ATOH8: variants seen among roughly 807,000 people sequenced by gnomAD.
The protein encoded by ATOH8 is atonal bHLH transcription factor 8, also known as transcription factor ATOH8.
Under a neutral mutation model 21.2 loss-of-function variants are expected in ATOH8, and 9 were observed. That is an observed-to-expected ratio of 0.42 (90% CI 0.26 to 0.74). The LOEUF is 0.74. Among genes scored for constraint, ATOH8 ranks in the 30% least tolerant of loss-of-function variants. The pLI, the probability that ATOH8 is intolerant of heterozygous loss-of-function variation, is 0.24. For missense variants in ATOH8, 524 were observed against 470.9 expected (o/e 1.11, Z -1.04); for synonymous variants, 253 against 224.0 (o/e 1.13, Z -1.16).
At chr2:85,769,480 C>T (rs1257136665) in intron 2 of ATOH8, among the ~76,000 whole-genome samples, 1 of 152,174 alleles carries the variant, frequency 6.6e-6, no homozygotes. Flanking sequence ...TAATCTGAAG[C>T]CAGAGGTGGC....
At chr2:85,786,376 C>G (rs1680621022) in intron 2 of ATOH8, among the ~76,000 whole-genome samples, 1 of 152,234 alleles carries the variant, frequency 6.6e-6, no homozygotes, top group Non-Finnish European at 1.5e-5. Context: ...ACACTGAGGC[C>G]TAGAGAAGTC....
In ATOH8 at chr2:85,790,111, C is replaced by T. The variant is rs1680730018; in HGVS notation, c.*3221C>T. Among the ~76,000 whole-genome samples, 3 of 152,204 alleles carry T rather than the reference C, an allele frequency of 2.0e-5. No homozygotes were observed. Among genetic ancestry groups the T allele is most frequent in the Admixed American group, 1.3e-4 (2 of 15,282 alleles). Reference sequence around the variant, plus strand: ...CAAAATATAAATGACGAGGAGCTGCCCTCATGGGGCCCTGTGAAAGCACTT... The same window carrying T: ...CAAAATATAAATGACGAGGAGCTGCTCTCATGGGGCCCTGTGAAAGCACTT... On this transcript the variant is annotated 3_prime_UTR_variant, in exon 3 of 3. Coordinates refer to ENST00000306279, the MANE Select transcript of ATOH8 (RefSeq NM_032827.7).
At chr2:85,755,972 CT>C in intron 1 of ATOH8, among the ~76,000 whole-genome samples, 1 of 147,054 alleles carries the variant, frequency 6.8e-6, no homozygotes, top group East Asian at 2.1e-4. Context: ...CTCAACTTCT[CT>C]GGGCTTTATC....
rs575334801 is a variant in ATOH8, at chr2:85,758,759, G to A, written c.768+3802G>A. On this transcript the variant is annotated intron_variant, in intron 1 of 2. Transcript: ENST00000306279. Reference sequence around the variant, plus strand: ...TCAGGCCCCAGCACATGCCACCAGCGCAGCTGCACCAGAGCCCTCCCTGCC... The same window carrying A: ...TCAGGCCCCAGCACATGCCACCAGCACAGCTGCACCAGAGCCCTCCCTGCC... Among the ~76,000 whole-genome samples, 14 of 152,360 alleles carry A rather than the reference G, an allele frequency of 9.2e-5. No individual in the cohort carries two copies. The South Asian group carries it at 2.9e-3, about 32-fold the overall frequency.
At chr2:85,786,861 T>C (rs779321807) in intron 2 of ATOH8, 24 bp from the exon 3 acceptor site, 1 of 1,613,928 alleles carries the variant, frequency 6.2e-7, no homozygotes, top group South Asian at 1.1e-5. Context: ...GGGGCAGCTT[T>C]TAATGGCTGG....
intron 2 of ATOH8, among the ~76,000 whole-genome samples, chr2:85,775,951 G>C (rs1211041462): frequency 6.6e-6 from 1 of 152,128 alleles, no homozygotes; most frequent in Admixed American, 6.5e-5. Context: ...CCACAAATTG[G>C]GTGTCACCAG....
At chr2:85,775,280 C>T (rs1489839696) in intron 2 of ATOH8, 7 of 985,184 alleles carry the variant, frequency 7.1e-6, no homozygotes, top group Non-Finnish European at 8.4e-6. Context: ...TAATGACACA[C>T]CATTCTTTCC....
At chr2:85,780,983 G>A in intron 2 of ATOH8, 1 of 987,938 alleles carries the variant, frequency 1.0e-6, no homozygotes, top group Middle Eastern at 2.8e-4. Context: ...GGAGCTTGGA[G>A]GCCAGAAGCC....
chr2:85,754,613 G>A lies in ATOH8; in HGVS notation c.424G>A (p.Ala142Thr), dbSNP rs1390424617. ...PQSQAPGGPE[A>T]QPFREPGLRP... is the part of the protein sequence containing the mutation. The stretch of plus-strand genomic sequence containing the variant: ...GAGCCAGGCACCTGGGGGCCCAGAG[G>A]CACAGCCTTTCCGGGAGCCGGGTCT... Residue 142 changes from alanine (A) to threonine (T), a missense_variant, in exon 1 of 3, where the codon GCA becomes ACA. By Grantham distance (58) the Ala-to-Thr change is moderately conservative. Coordinates refer to ENST00000306279, the MANE Select transcript of ATOH8 (RefSeq NM_032827.7). 8.0e-6 allele frequency: 12 copies of A among 1,497,400 alleles called. No homozygotes were observed. Among genetic ancestry groups the A allele is most frequent in the African/African-American group, 1.4e-5 (1 of 69,834 alleles). The allele number at this position is 1,497,400 out of a possible 1,614,324, so 92.8% of individuals were successfully genotyped here. A position where few individuals can be genotyped will look rare whatever the true frequency, so the allele number is the denominator to read the frequency against.
chr2:85,783,888 A>T (rs1246932079), intron 2 of ATOH8, among the ~76,000 whole-genome samples: 1 of 151,656 alleles, frequency 6.6e-6, no homozygotes, highest in Non-Finnish European at 1.5e-5. Flanking sequence ...ATGAAGAGGT[A>T]TCATTGGCAT....
chr2:85,786,340 C>G (rs185257828), intron 2 of ATOH8, among the ~76,000 whole-genome samples: 3 of 152,210 alleles, frequency 2.0e-5, no homozygotes, highest in East Asian at 3.8e-4. Flanking sequence ...TCGATCTGCT[C>G]CAGCCACGCC....
chr2:85,764,280 G>A (rs1188807211), intron 2 of ATOH8, 98 bp downstream of exon 2: 2 of 1,466,090 alleles, frequency 1.4e-6, no homozygotes, highest in Non-Finnish European at 1.8e-6. Flanking sequence ...ATTCTGAAGG[G>A]GCCAGAGAGA....
intron 1 of ATOH8, among the ~76,000 whole-genome samples, chr2:85,761,595 C>A (rs937216697): frequency 6.6e-6 from 1 of 152,180 alleles, no homozygotes; most frequent in Non-Finnish European, 1.5e-5. Flanking sequence ...CTGTTACGGG[C>A]CATGGGCTCA....
At chr2:85,763,244 G>T (rs1679915184) in intron 1 of ATOH8, among the ~76,000 whole-genome samples, 1 of 152,118 alleles carries the variant, frequency 6.6e-6, no homozygotes. Flanking sequence ...TTGGTGGAGA[G>T]ACATATTAAA....
chr2:85,754,556 ACGCCGC>A lies in ATOH8; in HGVS notation c.381_386del (p.Pro129_Pro130del), dbSNP rs534719282. On this transcript the variant is annotated inframe_deletion, in exon 1 of 3. Coordinates refer to ENST00000306279, the MANE Select transcript of ATOH8 (RefSeq NM_032827.7). ...AGGCGCAGTGGGGCCAGGACTCCCC[ACGCCGC>A]CGCCGCCGCCGCCTCCTGCGCCCCA... 6.3e-6 allele frequency: 9 copies of A among 1,438,172 alleles called. No homozygotes were observed. The highest frequency in any genetic ancestry group is 2.8e-5 in the East Asian group (1 of 35,336). The allele number at this position is 1,438,172 out of a possible 1,614,324, so 89.1% of individuals were successfully genotyped here.
chr2:85,776,636 C>T (rs1046761897), intron 2 of ATOH8, among the ~76,000 whole-genome samples: 3 of 152,162 alleles, frequency 2.0e-5, no homozygotes, highest in African/African-American at 4.8e-5. Context: ...CATGGTGGGC[C>T]GATTTCCCAT....
At position 85,787,121 on chromosome 2, in the gene ATOH8, G is replaced by A; in HGVS notation, c.*231G>A. 1 of 573,906 alleles carries A rather than the reference G, an allele frequency of 1.7e-6. No homozygotes were observed. The highest frequency in any genetic ancestry group is 3.1e-6 in the Non-Finnish European group (1 of 323,044). 35.6% of individuals were successfully genotyped at this position (573,906 alleles called of 1,614,324 possible). Reference sequence around the variant, plus strand: ...CTTTGCCCTCTGCCTGGTGGGGAGGGGAGAGCTCAGCCCCCGACTCACTCA... The same window carrying A: ...CTTTGCCCTCTGCCTGGTGGGGAGGAGAGAGCTCAGCCCCCGACTCACTCA... On this transcript the variant is annotated 3_prime_UTR_variant, in exon 3 of 3. Transcript: ENST00000306279.
chr2:85,754,068 G>GGGGAGAAA lies in ATOH8; in HGVS notation c.-115_-108dup, dbSNP rs1254311712. ...CGGCGGCGCAGCTGCCCGGGGCGAG[G>GGGGAGAAA]GGGAGAAAGGGAGAGAGGGAGGGGG... On this transcript the variant is annotated 5_prime_UTR_variant, in exon 1 of 3. Transcript: ENST00000306279. The GGGGAGAAA allele has an allele frequency of 1.6e-6, 2 of 1,223,234 alleles. No homozygotes were observed. The highest frequency in any genetic ancestry group is 1.1e-6 in the Non-Finnish European group (1 of 937,480). 75.8% of individuals were successfully genotyped at this position (1,223,234 alleles called of 1,614,324 possible).
chr2:85,766,702 C>T lies in ATOH8; in HGVS notation c.960+2520C>T, dbSNP rs765106116. 2.0e-5 allele frequency among the ~76,000 whole-genome samples: 3 copies of T among 152,214 alleles called. No individual in the cohort carries two copies. The highest frequency in any genetic ancestry group is 2.9e-5 in the Non-Finnish European group (2 of 68,036). On this transcript the variant is annotated intron_variant, in intron 2 of 2. Coordinates refer to ENST00000306279, the MANE Select transcript of ATOH8 (RefSeq NM_032827.7). The surrounding 1 kb of genome is among the most constrained non-coding windows in gnomAD (Gnocchi z 4.0). ...CTTTCCAGCTCAGGACCCCTGGAGT[C>T]GCTGGAGCCTTCGAGCTCCCAGGCA...
Sources: gnomAD v4.1 joint callset for allele counts (sites outside exome capture counted in the v4.1 genomes callset) on GRCh38, gnomAD v4.1.1 for gene constraint, Gnocchi (gnomAD v3.1) non-coding constraint, MANE v1.5 for transcripts, NCBI Gene and HGNC (gene_info 2026-07-23, HGNC 2026-07-21) for gene names.